Variants in COG5 observed in about 807,000 individuals in gnomAD.
The protein encoded by COG5 is conserved oligomeric Golgi complex subunit 5.
COG5 carries 86 observed loss-of-function variants against 110.4 expected under a neutral mutation model. The observed-to-expected ratio is 0.78, with a 90% CI of 0.65 to 0.93. COG5 has a LOEUF of 0.93. COG5 is among the 40% of genes least tolerant of loss of function. The pLI, the probability that COG5 is intolerant of heterozygous loss-of-function variation, is 0.00. For missense variants in COG5, 1,077 were observed against 987.0 expected, an observed-to-expected ratio of 1.09 and a Z score of -1.22; for synonymous variants, 360 against 334.6, an observed-to-expected ratio of 1.08 and a Z score of -0.83.
At chr7:107,525,378 C>T (rs1800655697) in intron 6 of COG5, among the ~76,000 whole-genome samples, 1 of 151,914 alleles carries the variant, frequency 6.6e-6, no homozygotes, top group South Asian at 2.1e-4. Flanking sequence ...CATAATAAGC[C>T]TTGGAATAAT....
At chr7:107,310,087 T>C (rs1376717905) in intron 11 of COG5, among the ~76,000 whole-genome samples, 4 of 152,226 alleles carry the variant, frequency 2.6e-5, no homozygotes, top group Non-Finnish European at 5.9e-5. Context: ...TATGTAAAGA[T>C]ATTCCTCATT....
chr7:107,558,174 A>G, intron 1 of COG5, 59 bp from the exon 2 acceptor site: 1 of 1,521,016 alleles, frequency 6.6e-7, no homozygotes, highest in Non-Finnish European at 9.1e-7. Context: ...ACCAGTTATT[A>G]AACAACAGAA....
chr7:107,503,913 T>G (rs915182935), intron 6 of COG5, among the ~76,000 whole-genome samples: 22 of 151,954 alleles, frequency 1.4e-4, no homozygotes, highest in Non-Finnish European at 1.3e-4. Context: ...GGGTTTTTCA[T>G]GTATACAATC....
intron 21 of COG5, among the ~76,000 whole-genome samples, chr7:107,205,617 G>A (rs1381521491): frequency 6.6e-6 from 1 of 152,186 alleles, no homozygotes; most frequent in Non-Finnish European, 1.5e-5. Context: ...CAGTTAAAGA[G>A]CCACATTCTC....
intron 18 of COG5, among the ~76,000 whole-genome samples, chr7:107,233,671 C>T (rs1800938519): frequency 6.6e-6 from 1 of 152,016 alleles, no homozygotes; most frequent in Non-Finnish European, 1.5e-5. Context: ...AGTTTTTAAA[C>T]CCATGGAGTA....
chr7:107,362,058 A>G lies in COG5; in HGVS notation c.1001T>C (p.Ile334Thr). Reference protein sequence around the residue: ...LAKKRDPVSHICFIEEIVKDG... With the variant: ...LAKKRDPVSHTCFIEEIVKDG... ...CTTAACTATTTCTTCAATGAAACAA[A>G]TGTGAGAAACAGGATCTCTCTTCTT... The change falls in exon 10 of 22, where the codon ATT becomes ACT. Residue 334 changes from isoleucine to threonine, a missense_variant. By Grantham distance (89) the Ile-to-Thr change is moderately conservative. Coordinates refer to ENST00000297135, the MANE Select transcript of COG5 (RefSeq NM_006348.5). The G allele has an allele frequency of 6.2e-7, 1 of 1,607,946 alleles. No homozygotes were observed. Among genetic ancestry groups the G allele is most frequent in the Non-Finnish European group, 8.5e-7 (1 of 1,175,142 alleles).
At chr7:107,513,619 T>C (rs1398098047) in intron 6 of COG5, among the ~76,000 whole-genome samples, 1 of 152,200 alleles carries the variant, frequency 6.6e-6, no homozygotes, top group Non-Finnish European at 1.5e-5. Context: ...TGTGGCACTA[T>C]TCACAATAGC....
intron 12 of COG5, among the ~76,000 whole-genome samples, chr7:107,295,039 A>G (rs1397813698): frequency 5.6e-5 from 1 of 17,860 alleles, no homozygotes; most frequent in East Asian, 1.2e-3. Flanking sequence ...ACACACATAT[A>G]CACACACACA....
intron 6 of COG5, among the ~76,000 whole-genome samples, chr7:107,419,919 G>C (rs1257317078): frequency 6.6e-6 from 1 of 152,058 alleles, no homozygotes; most frequent in Admixed American, 6.5e-5. Context: ...TAAATAACAC[G>C]TTCATGTAAC....
At chr7:107,506,898 G>C (rs1007892512) in intron 6 of COG5, among the ~76,000 whole-genome samples, 1 of 152,212 alleles carries the variant, frequency 6.6e-6, no homozygotes. Flanking sequence ...CTTTCAACCT[G>C]TGACTGCTTC....
At chr7:107,205,360 G>A (rs1393198574) in intron 21 of COG5, among the ~76,000 whole-genome samples, 5 of 152,162 alleles carry the variant, frequency 3.3e-5, no homozygotes, top group Admixed American at 6.5e-5. Context: ...AGCCCTTTCT[G>A]TGCTACTGCT....
intron 17 of COG5, among the ~76,000 whole-genome samples, chr7:107,241,742 G>A (rs1351389815): frequency 2.0e-5 from 3 of 152,008 alleles, no homozygotes; most frequent in South Asian, 2.1e-4. Flanking sequence ...GTGAGCCACC[G>A]CGCCCAGCCT....
chr7:107,208,032 G>A (rs970519014), intron 21 of COG5: 4 of 985,354 alleles, frequency 4.1e-6, no homozygotes, highest in Admixed American at 6.1e-5. Context: ...TTGTCTACAG[G>A]GGAAAGAAAT....
At chr7:107,212,026 T>C (rs560789524) in intron 19 of COG5, among the ~76,000 whole-genome samples, 1 of 152,246 alleles carries the variant, frequency 6.6e-6, no homozygotes, top group East Asian at 1.9e-4. Context: ...TATCCTGGGG[T>C]CTTTCTTTAC....
At chr7:107,278,141 A>G (rs1289555521) in intron 14 of COG5, among the ~76,000 whole-genome samples, 1 of 152,172 alleles carries the variant, frequency 6.6e-6, no homozygotes, top group Non-Finnish European at 1.5e-5. Context: ...TTGTATTTGC[A>G]AGTCACTCTT....
chr7:107,207,089 T>C (rs1389307585), intron 21 of COG5, among the ~76,000 whole-genome samples: 1 of 152,206 alleles, frequency 6.6e-6, no homozygotes, highest in African/African-American at 2.4e-5. Flanking sequence ...GAAAACAACA[T>C]TGATTTTTGT....
chr7:107,453,724 T>C (rs1334195985), intron 6 of COG5, among the ~76,000 whole-genome samples: 2 of 152,206 alleles, frequency 1.3e-5, no homozygotes, highest in Non-Finnish European at 2.9e-5. Context: ...GGCACAGATT[T>C]TGATTCTACT....
intron 6 of COG5, among the ~76,000 whole-genome samples, chr7:107,444,669 T>C (rs1057434584): frequency 1.3e-5 from 2 of 152,180 alleles, no homozygotes; most frequent in Non-Finnish European, 2.9e-5. Context: ...TCCCAAATCA[T>C]CAAATACTAT....
chr7:107,298,489 T>C (rs1480965610), intron 11 of COG5, 143 bp from the exon 12 acceptor site: 5 of 532,484 alleles, frequency 9.4e-6, no homozygotes, highest in Non-Finnish European at 1.6e-5. Flanking sequence ...ATAATAATGC[T>C]AATAATAATA....
Sources: allele counts gnomAD v4.1 joint callset (sites outside exome capture counted in the v4.1 genomes callset), GRCh38; gene constraint gnomAD v4.1.1; transcripts MANE v1.5; gene names NCBI Gene and HGNC (gene_info 2026-07-23, HGNC 2026-07-21).